Variants in FADS1 observed in about 807,000 individuals in gnomAD.
The protein encoded by FADS1 is fatty acid desaturase 1, also known as acyl-CoA (8-3)-desaturase.
Under a neutral mutation model 61.6 loss-of-function variants are expected in FADS1, and 17 were observed. The ratio of observed to expected loss-of-function variants is 0.28; its 90% confidence interval spans 0.19 to 0.41. The LOEUF (loss-of-function observed/expected upper bound fraction) is 0.41. Ranked by LOEUF, FADS1 falls within the 10% of genes least tolerant of loss-of-function variation. The pLI, the probability that FADS1 is intolerant of heterozygous loss-of-function variation, is 1.00. For missense variants in FADS1, 387 were observed against 650.9 expected (o/e 0.59, Z 4.41); for synonymous variants, 238 against 258.7 (o/e 0.92, Z 0.77).
chr11:61,806,427 A>C (rs1591151207), intron 6 of FADS1: 4 of 546,326 alleles, frequency 7.3e-6, no homozygotes, highest in Non-Finnish European at 1.3e-5. Flanking sequence ...TTCCCAGTGG[A>C]AACTGGGGTT....
At chr11:61,813,966 C>CA (rs35779607) in intron 1 of FADS1, among the ~76,000 whole-genome samples, 1,988 of 80,286 alleles carry the variant, frequency 0.025, 38 homozygotes, top group African/African-American at 0.07. Flanking sequence ...GACTCCGTCT[C>CA]AAAAAAAAAA....
In FADS1 at chr11:61,802,055, T is replaced by A. The variant is rs1362435345; in HGVS notation, c.*356A>T. ...GCCACCACGCCCGGCATGAGTGGAA[T>A]TTTAGTGTTAAATCTCTTCCTGACT... On this transcript the variant is annotated 3_prime_UTR_variant, in exon 12 of 12. Coordinates refer to ENST00000350997, the MANE Select transcript of FADS1 (RefSeq NM_013402.7). This position sits in a 1 kb window ranked among gnomAD's most constrained non-coding sequence, Gnocchi z 4.2. 1 of 252,622 alleles carries A rather than the reference T, an allele frequency of 4.0e-6. No individual in the cohort carries two copies. The highest frequency in any genetic ancestry group is 2.2e-5 in the African/African-American group (1 of 44,768). The allele number at this position is 252,622 out of a possible 1,614,324, so 15.6% of individuals were successfully genotyped here.
rs34397549 is a variant in FADS1 at position 61,801,882 on chromosome 11, ATTTTTTT to A, written c.*522_*528del. The A allele has an allele frequency of 2.1e-5, 3 of 143,590 alleles. No homozygotes were observed. Among genetic ancestry groups the A allele is most frequent in the Non-Finnish European group, 3.0e-5 (2 of 65,932 alleles). The allele number at this position is 143,590 out of a possible 1,614,324, so 8.9% of individuals were successfully genotyped here. A position where few individuals can be genotyped will look rare whatever the true frequency, so the allele number is the denominator to read the frequency against. On this transcript the variant is annotated 3_prime_UTR_variant, in exon 12 of 12. Transcript: ENST00000350997. ...CTGAGCTCACCTTTTATATGAGTGG[ATTTTTTT>A]TTTTTTTTTGAAATGGAGTCTTGCT...
At chr11:61,809,111 C>T (rs2066915293) in intron 5 of FADS1, among the ~76,000 whole-genome samples, 2 of 152,132 alleles carry the variant, frequency 1.3e-5, no homozygotes, top group South Asian at 2.1e-4. Flanking sequence ...GCTTACTGTC[C>T]CTGAACATCC....
Position 61,815,730 on chromosome 11 carries a change from G to A in FADS1, c.375+825C>T. 6.4e-6 allele frequency: 1 copy of A among 156,804 alleles called. No individual in the cohort carries two copies. The highest frequency in any genetic ancestry group is 1.4e-5 in the Non-Finnish European group (1 of 70,748). 9.7% of individuals were successfully genotyped at this position (156,804 alleles called of 1,614,324 possible). On this transcript the variant is annotated intron_variant, in intron 1 of 11. Transcript: ENST00000350997. This position sits in a 1 kb window ranked among gnomAD's most constrained non-coding sequence, Gnocchi z 6.4. ...CAGCAGGCCTGGGGCTGGGGCGCGC[G>A]CCGACCCCGCAGTGAGACCAAGGGA...
chr11:61,810,692 C>G, intron 5 of FADS1, 59 bp downstream of exon 5: 1 of 1,598,256 alleles, frequency 6.3e-7, no homozygotes, highest in Admixed American at 1.7e-5. Flanking sequence ...TCTTCCCCAA[C>G]TCCCCTATGT....
intron 5 of FADS1, among the ~76,000 whole-genome samples, chr11:61,809,320 AT>A (rs964412809): frequency 4.6e-5 from 7 of 151,358 alleles, no homozygotes; most frequent in African/African-American, 1.7e-4. Context: ...TCTGTTTACA[AT>A]TTTTTTTTGG....
chr11:61,806,543 T>G (rs2066895963), intron 6 of FADS1, 121 bp downstream of exon 6: 2 of 848,238 alleles, frequency 2.4e-6, no homozygotes, highest in Non-Finnish European at 4.0e-6. Flanking sequence ...GGGGTGGGAG[T>G]GGGGTACTTC....
In FADS1 at chr11:61,810,995, A is replaced by G. The variant is rs765466050; in HGVS notation, c.765T>C (p.His255=). Residue 255 remains histidine (H), a synonymous_variant, in exon 4 of 12, where the codon CAT becomes CAC. Transcript: ENST00000350997. ...STSKWNHLLH[H]FVIGHLKGAP... is the part of the protein sequence containing the mutation. ...TGACCTTCAGGTGGCCAATCACAAAATGATGTAGCAGATGGTTCCACTTTG... is the reference window on the plus strand; with the variant it reads ...TGACCTTCAGGTGGCCAATCACAAAGTGATGTAGCAGATGGTTCCACTTTG... 1.2e-6 allele frequency: 2 copies of G among 1,614,114 alleles called. No individual in the cohort carries two copies. The highest frequency in any genetic ancestry group is 1.7e-6 in the Non-Finnish European group (2 of 1,180,008).
Position 61,800,869 on chromosome 11 carries a change from TCTCTGGAGAG to T in FADS1, c.*1532_*1541del, listed in dbSNP as rs1227198045. ...TCCTGAGTCATATTCCTATGTTTGC[TCTCTGGAGAG>T]ATGGGCTAAACTGTTTATCTTTTAA... On this transcript the variant is annotated 3_prime_UTR_variant, in exon 12 of 12. Transcript: ENST00000350997. 6.6e-6 allele frequency: 1 copy of T among 152,376 alleles called. No homozygotes were observed. Among genetic ancestry groups the T allele is most frequent in the Non-Finnish European group, 1.5e-5 (1 of 68,046 alleles). 9.4% of individuals were successfully genotyped at this position (152,376 alleles called of 1,614,324 possible).
chr11:61,807,232 C>G (rs1214293200), intron 5 of FADS1, among the ~76,000 whole-genome samples: 5 of 152,180 alleles, frequency 3.3e-5, no homozygotes, highest in Non-Finnish European at 7.3e-5. Flanking sequence ...CCACGCCCAG[C>G]TAATTTTGTA....
At chr11:61,809,222 C>G (rs553527835) in intron 5 of FADS1, among the ~76,000 whole-genome samples, 1 of 152,154 alleles carries the variant, frequency 6.6e-6, no homozygotes, top group Non-Finnish European at 1.5e-5. Flanking sequence ...GTTCAGATGT[C>G]GGCACCCGAA....
In FADS1 at chr11:61,803,287, G is replaced by T; in HGVS notation, c.1248+76C>A. 2 of 1,370,584 alleles carry T rather than the reference G, an allele frequency of 1.5e-6. No individual in the cohort carries two copies. The highest frequency in any genetic ancestry group is 2.1e-6 in the Non-Finnish European group (2 of 958,550). 84.9% of individuals were successfully genotyped at this position (1,370,584 alleles called of 1,614,324 possible). On this transcript the variant is annotated intron_variant, in intron 9 of 11. Transcript: ENST00000350997. The surrounding 1 kb of genome is among the most constrained non-coding windows in gnomAD (Gnocchi z 4.3). ...GAAAATGCTGTTTGGGGGACTTTTTGTTTTTGCTGTTTTCACCTACGCATC... is the reference window on the plus strand; with the variant it reads ...GAAAATGCTGTTTGGGGGACTTTTTTTTTTTGCTGTTTTCACCTACGCATC...
Position 61,816,725 on chromosome 11 carries a change from C to A in FADS1, c.205G>T (p.Ala69Ser), listed in dbSNP as rs758868643. Residue 69 changes from alanine (A) to serine (S), a missense_variant, in exon 1 of 12, where the codon GCT (alanine) becomes TCT (serine). Physicochemically the swap from Ala to Ser is moderately conservative, Grantham distance 99 (BLOSUM62 1). Around this residue, in one of 2 missense-constraint regions of FADS1, gnomAD observed 130 missense variants for 117.7 expected, o/e 1.10. Transcript: ENST00000350997. This position sits in a 1 kb window ranked among gnomAD's most constrained non-coding sequence, Gnocchi z 7.0. ...APDPVAAETA[A>S]QGPTPRYFTW... ...AAGTAGCGCGGGGTAGGTCCCTGAG[C>A]CGCGGTCTCGGCGGCCACCGGGTCG... is the stretch of plus-strand genomic sequence containing the variant. 5.1e-6 allele frequency: 8 copies of A among 1,564,438 alleles called. No homozygotes were observed. Among genetic ancestry groups the A allele is most frequent in the Non-Finnish European group, 2.6e-6 (3 of 1,155,384 alleles).
At position 61,815,946 on chromosome 11, in the gene FADS1, C is replaced by T. The variant is rs2066977476; in HGVS notation, c.375+609G>A. 1 of 379,026 alleles carries T rather than the reference C, an allele frequency of 2.6e-6. No individual in the cohort carries two copies. Among genetic ancestry groups the T allele is most frequent in the Admixed American group, 4.3e-5 (1 of 23,086 alleles). 23.5% of individuals were successfully genotyped at this position (379,026 alleles called of 1,614,324 possible). A position where few individuals can be genotyped will look rare whatever the true frequency, so the allele number is the denominator to read the frequency against. ...ATGTACGCCAGCGGCCGCTTGCCCT[C>T]CCCGGCCAGCGCTGTCCCTTCCGCG... On this transcript the variant is annotated intron_variant, in intron 1 of 11. Transcript: ENST00000350997. The surrounding 1 kb of genome is among the most constrained non-coding windows in gnomAD (Gnocchi z 6.4).
chr11:61,804,117 G>T, intron 7 of FADS1: 1 of 312,538 alleles, frequency 3.2e-6, no homozygotes, highest in Non-Finnish European at 6.0e-6. Context: ...TCTCATCACT[G>T]AACCAAGCAC....
Position 61,802,642 on chromosome 11 carries a change from G to A in FADS1, c.1454+159C>T, listed in dbSNP as rs1382357651. 6.6e-6 allele frequency among the ~76,000 whole-genome samples: 1 copy of A among 152,192 alleles called. No homozygotes were observed. The highest frequency in any genetic ancestry group is 1.5e-5 in the Non-Finnish European group (1 of 68,034). On this transcript the variant is annotated intron_variant, in intron 11 of 11. Transcript: ENST00000350997. This position sits in a 1 kb window ranked among gnomAD's most constrained non-coding sequence, Gnocchi z 4.2. ...CCCAATGAGGGCAAAGGCCTGACCTGGCCACAGGTCCAATAAAGAATCCTG... is the reference window on the plus strand; with the variant it reads ...CCCAATGAGGGCAAAGGCCTGACCTAGCCACAGGTCCAATAAAGAATCCTG...
chr11:61,813,687 C>T (rs552172333), intron 1 of FADS1: 3 of 220,810 alleles, frequency 1.4e-5, no homozygotes, highest in East Asian at 1.2e-4. Context: ...TGCTCCCGGC[C>T]GGGCGCGGTG....
rs776246007 is a variant in FADS1, at chr11:61,816,318, T to G, written c.375+237A>C. On this transcript the variant is annotated intron_variant, in intron 1 of 11. Transcript: ENST00000350997. The surrounding 1 kb of genome is among the most constrained non-coding windows in gnomAD (Gnocchi z 7.0). Reference sequence around the variant, plus strand: ...GCAGGGAGGCGGGACCCTTTGTTTGTGTGTGCGTGTTGTTGGCCTCCATCC... The same window carrying G: ...GCAGGGAGGCGGGACCCTTTGTTTGGGTGTGCGTGTTGTTGGCCTCCATCC... 3.8e-6 allele frequency: 6 copies of G among 1,598,354 alleles called. No homozygotes were observed. In the East Asian group the frequency reaches 1.1e-4, roughly 30 times the overall value.
Sources: allele counts gnomAD v4.1 joint callset (sites outside exome capture counted in the v4.1 genomes callset), GRCh38; gene constraint gnomAD v4.1.1; regional missense constraint gnomAD v4.1.1; non-coding constraint Gnocchi (gnomAD v3.1); transcripts MANE v1.5; gene names NCBI Gene and HGNC (gene_info 2026-07-23, HGNC 2026-07-21).